The following STAC variants were observed in gnomAD, a reference collection of about 807,000 sequenced individuals.
The protein encoded by STAC is SH3 and cysteine rich domain.
A neutral mutation model predicts 48.8 loss-of-function variants in STAC; 43 were observed. The ratio of observed to expected loss-of-function variants is 0.88; its 90% CI spans 0.69 to 1.14. STAC has a LOEUF of 1.14. Ranked by LOEUF, STAC falls within the 50% of genes most tolerant of loss-of-function variation. STAC has a pLI of 0.00. For missense variants in STAC, 497 were observed against 504.0 expected, an observed-to-expected ratio of 0.99 and a Z score of 0.13; for synonymous variants, 193 against 179.5, an observed-to-expected ratio of 1.07 and a Z score of -0.60.
chr3:36,499,383 A>G (rs1415003294), intron 6 of STAC, among the ~76,000 whole-genome samples: 1 of 152,184 alleles, frequency 6.6e-6, no homozygotes, highest in African/African-American at 2.4e-5. Flanking sequence ...GCGATTAAAT[A>G]TACTATTTCA....
At chr3:36,394,481 A>T (rs1276614019) in intron 1 of STAC, among the ~76,000 whole-genome samples, 1 of 152,218 alleles carries the variant, frequency 6.6e-6, no homozygotes, top group Non-Finnish European at 1.5e-5. Context: ...TTTTACAAAG[A>T]TTACTGTGGC....
chr3:36,472,308 C>T (rs990242598), intron 2 of STAC, among the ~76,000 whole-genome samples: 1 of 152,232 alleles, frequency 6.6e-6, no homozygotes, highest in African/African-American at 2.4e-5. Context: ...GAAACCACTT[C>T]TTCTTCCTGT....
At chr3:36,513,074 T>C (rs1365197169) in intron 8 of STAC, among the ~76,000 whole-genome samples, 3 of 152,136 alleles carry the variant, frequency 2.0e-5, no homozygotes, top group Non-Finnish European at 4.4e-5. Context: ...GTTAGGAGTG[T>C]GAGCTTGAAG....
At chr3:36,541,536 A>G (rs757061338) in intron 10 of STAC, among the ~76,000 whole-genome samples, 2 of 152,210 alleles carry the variant, frequency 1.3e-5, no homozygotes, top group South Asian at 2.1e-4. Context: ...TCAAAAACCA[A>G]TGTAGAGGAC....
chr3:36,492,149 T>C lies in STAC; in HGVS notation c.688-1002T>C, dbSNP rs1698004472. Among the ~76,000 whole-genome samples the C allele has an allele frequency of 2.1e-5, 3 of 142,724 alleles. No individual in the cohort carries two copies. The South Asian group carries it at 7.2e-4, about 34-fold the overall frequency. 93.6% of individuals were successfully genotyped at this position (142,724 alleles called of 152,430 possible). On this transcript the variant is annotated intron_variant, in intron 5 of 10. Transcript: ENST00000273183. ...GACTGAAGCTGGGTCACGTGGCCCT[T>C]TGAAAGAGGCATTCAGTGTGGTATG...
intron 1 of STAC, among the ~76,000 whole-genome samples, chr3:36,422,492 C>T (rs1215242837): frequency 6.6e-6 from 1 of 152,032 alleles, no homozygotes; most frequent in East Asian, 1.9e-4. Context: ...AACTCATCCA[C>T]TAAACATATT....
rs901174200 is a variant in STAC, at chr3:36,485,967, G to A, written c.572-167G>A. The A allele has an allele frequency of 6.7e-6, 4 of 596,118 alleles. No homozygotes were observed. In the South Asian group the frequency reaches 8.3e-5, roughly 12 times the overall value. The allele number at this position is 596,118 out of a possible 1,614,324, so 36.9% of individuals were successfully genotyped here. On this transcript the variant is annotated intron_variant, in intron 4 of 10. Transcript: ENST00000273183. ...GCAAATGGGAGCATGCTGGGTGGGG[G>A]TGCATCTGTGAGGAACACTTGGCCA...
chr3:36,485,985 C>T (rs529320317), intron 4 of STAC, 149 bp from the exon 5 acceptor site: 1 of 627,344 alleles, frequency 1.6e-6, no homozygotes, highest in South Asian at 2.0e-5. Flanking sequence ...GTGAGGAACA[C>T]TTGGCCATGA....
At chr3:36,546,051 G>C in intron 10 of STAC, 140 bp from the exon 11 acceptor site, 1 of 652,346 alleles carries the variant, frequency 1.5e-6, no homozygotes, top group Non-Finnish European at 2.7e-6. Context: ...TCACTGTGCT[G>C]GTTTCCCACC....
At chr3:36,464,588 C>T (rs1226796252) in intron 2 of STAC, among the ~76,000 whole-genome samples, 2 of 152,052 alleles carry the variant, frequency 1.3e-5, no homozygotes, top group Non-Finnish European at 2.9e-5. Flanking sequence ...TCCCTCACCC[C>T]TGCAAACTCT....
chr3:36,497,386 A>G (rs932248462), intron 6 of STAC, among the ~76,000 whole-genome samples: 54 of 152,294 alleles, frequency 3.5e-4, no homozygotes, highest in African/African-American at 1.3e-3. Context: ...TAGTTAATGC[A>G]TGGCTGAGCT....
intron 1 of STAC, among the ~76,000 whole-genome samples, chr3:36,430,767 C>A (rs1700681399): frequency 6.6e-6 from 1 of 152,142 alleles, no homozygotes; most frequent in Non-Finnish European, 1.5e-5. Context: ...TCTTCTGGGG[C>A]CTTTCTCCTT....
At chr3:36,485,897 G>T in intron 4 of STAC, 1 of 364,548 alleles carries the variant, frequency 2.7e-6, no homozygotes, top group Non-Finnish European at 4.9e-6. Context: ...AATTCAATCA[G>T]GAAGAATTCG....
intron 8 of STAC, among the ~76,000 whole-genome samples, chr3:36,527,044 T>C (rs1698953692): frequency 6.6e-6 from 1 of 152,112 alleles, no homozygotes; most frequent in African/African-American, 2.4e-5. Context: ...AGCCTGTAAA[T>C]AGCCCTTGCA....
intron 2 of STAC, among the ~76,000 whole-genome samples, chr3:36,462,744 T>C (rs1305338820): frequency 1.3e-5 from 2 of 152,176 alleles, no homozygotes; most frequent in Non-Finnish European, 2.9e-5. Context: ...GCCAAGTGGA[T>C]CATGGTGTCT....
intron 8 of STAC, among the ~76,000 whole-genome samples, chr3:36,516,644 C>T (rs1422058369): frequency 1.3e-5 from 2 of 152,190 alleles, no homozygotes; most frequent in South Asian, 2.1e-4. Flanking sequence ...GGACAGCAAG[C>T]TGGCAAGACA....
At chr3:36,441,417 CAG>C (rs759549772) in intron 1 of STAC, among the ~76,000 whole-genome samples, 2 of 152,140 alleles carry the variant, frequency 1.3e-5, no homozygotes, top group Admixed American at 6.5e-5. Flanking sequence ...CCACAAATGA[CAG>C]AGTTTCATTC....
chr3:36,388,363 T>TA (rs1358823105), intron 1 of STAC, among the ~76,000 whole-genome samples: 1 of 152,084 alleles, frequency 6.6e-6, no homozygotes, highest in African/African-American at 2.4e-5. Flanking sequence ...CTATTGGTTT[T>TA]AAAAAATTAT....
At position 36,482,986 on chromosome 3, in the gene STAC, T is replaced by C. The variant is rs1363183670; in HGVS notation, c.389-6T>C. 2 of 1,612,678 alleles carry C rather than the reference T, an allele frequency of 1.2e-6. No individual in the cohort carries two copies. The highest frequency in any genetic ancestry group is 1.3e-5 in the African/African-American group (1 of 75,020). ...TCCTAACCAAAGTTTGCCATGTACCTGACAGGAACAAATGCTAAGCATGGA... is the reference window on the plus strand; with the variant it reads ...TCCTAACCAAAGTTTGCCATGTACCCGACAGGAACAAATGCTAAGCATGGA... On this transcript the variant is annotated splice_polypyrimidine_tract_variant and splice_region_variant and intron_variant, in intron 2 of 10. Transcript: ENST00000273183.
Sources: allele counts gnomAD v4.1 joint callset (sites outside exome capture counted in the v4.1 genomes callset), GRCh38; gene constraint gnomAD v4.1.1; transcripts MANE v1.5; gene names NCBI Gene and HGNC (gene_info 2026-07-23, HGNC 2026-07-21).